The following TBC1D8 variants were observed in gnomAD, a reference collection of about 807,000 sequenced individuals.
TBC1D8 encodes TBC1 domain family member 8.
TBC1D8 carries 65 observed loss-of-function variants against 118.8 expected under a neutral mutation model. The ratio of observed to expected loss-of-function variants is 0.55; its 90% CI spans 0.45 to 0.67. TBC1D8 has a LOEUF of 0.67. Ranked by LOEUF, TBC1D8 falls within the 30% of genes least tolerant of loss-of-function variation. The pLI, the probability that TBC1D8 is intolerant of heterozygous loss-of-function variation, is 0.00. For synonymous variants in TBC1D8, 566 were observed against 595.8 expected (o/e 0.95, Z 0.73); for missense variants, 1,376 against 1,471.2 (o/e 0.94, Z 1.06).
intron 5 of TBC1D8, among the ~76,000 whole-genome samples, chr2:101,042,171 G>GAATGT (rs1681426987): frequency 1.3e-5 from 2 of 152,100 alleles, no homozygotes; most frequent in South Asian, 4.1e-4. Flanking sequence ...TGACAAGAGA[G>GAATGT]AATGTTGATG....
Position 101,073,291 on chromosome 2 carries a change from A to T in TBC1D8, c.284-13752T>A, listed in dbSNP as rs943673688. The stretch of plus-strand genomic sequence containing the variant: ...TTTATTTTTTATTTTATTTTATTTT[A>T]TTTTATTTATTTTTTTTTTTGGAGA... On this transcript the variant is annotated intron_variant, in intron 2 of 19. Coordinates refer to ENST00000409318, the MANE Select transcript of TBC1D8 (RefSeq NM_001330348.2). 5.3e-3 allele frequency among the ~76,000 whole-genome samples: 729 copies of T among 138,216 alleles called. 9 individuals carry two copies. Among genetic ancestry groups the T allele is most frequent in the African/African-American group, 0.019 (687 of 35,940 alleles). The allele number at this position is 138,216 out of a possible 152,430, so 90.7% of individuals were successfully genotyped here.
chr2:101,110,377 T>A (rs1055973816), intron 1 of TBC1D8, among the ~76,000 whole-genome samples: 3 of 152,164 alleles, frequency 2.0e-5, no homozygotes, highest in African/African-American at 7.2e-5. Flanking sequence ...AAAACCCGTT[T>A]TTAAGAAACA....
Position 101,029,657 on chromosome 2 carries a change from G to C in TBC1D8, c.2056C>G (p.Leu686Val). Residue 686 changes from leucine to valine, a missense_variant, in exon 12 of 20, where the codon CTG becomes GTG. Physicochemically the swap from Leu to Val is conservative, Grantham distance 32. Transcript: ENST00000409318. ...ASVSLSWFLT[L>V]FLSIMPLESA... ...TCTAGAGGCATGATGCTGAGGAACA[G>C]GGTCAGGAACCACGAGAGAGAGACG... The C allele has an allele frequency of 1.2e-6, 2 of 1,614,028 alleles. No individual in the cohort carries two copies. Among genetic ancestry groups the C allele is most frequent in the Non-Finnish European group, 8.5e-7 (1 of 1,179,900 alleles).
rs760958555 is a variant in TBC1D8 at position 101,037,724 on chromosome 2, G to C, written c.1276-16C>G. On this transcript the variant is annotated splice_polypyrimidine_tract_variant and intron_variant, in intron 7 of 19. Coordinates refer to ENST00000409318, the MANE Select transcript of TBC1D8 (RefSeq NM_001330348.2). Reference sequence around the variant, plus strand: ...CGAGTGAAGCCTGCACAGCAAGAGAGACAGAGACAGAGAGAGAGAGGAGAG... The same window carrying C: ...CGAGTGAAGCCTGCACAGCAAGAGACACAGAGACAGAGAGAGAGAGGAGAG... 16 of 1,610,844 alleles carry C rather than the reference G, an allele frequency of 9.9e-6. No homozygotes were observed. The highest frequency in any genetic ancestry group is 4.4e-5 in the South Asian group (4 of 91,064).
intron 1 of TBC1D8, among the ~76,000 whole-genome samples, chr2:101,141,439 A>G (rs1027958356): frequency 2.3e-4 from 35 of 152,150 alleles, no homozygotes; most frequent in African/African-American, 8.0e-4. Flanking sequence ...CTCTTCTCCT[A>G]GAAGTTGTCC....
Position 101,110,902 on chromosome 2 carries a change from C to T in TBC1D8, c.128-20538G>A, listed in dbSNP as rs1173293823. Among the ~76,000 whole-genome samples, 3 of 151,052 alleles carry T rather than the reference C, an allele frequency of 2.0e-5. No homozygotes were observed. The East Asian group carries it at 5.9e-4, about 30-fold the overall frequency. On this transcript the variant is annotated intron_variant, in intron 1 of 19. Transcript: ENST00000409318. ...GGCTGGAGAATCACTTGAACTTGAA[C>T]CCGGGAGGTGGAGGTTGCAGTGAGC...
chr2:101,080,695 C>A (rs1019497536), intron 2 of TBC1D8, among the ~76,000 whole-genome samples: 1 of 152,094 alleles, frequency 6.6e-6, no homozygotes, highest in Non-Finnish European at 1.5e-5. Context: ...AAGCATCACA[C>A]TTCCCAATAT....
intron 7 of TBC1D8, 27 bp downstream of exon 7, chr2:101,038,434 G>T: frequency 6.2e-7 from 1 of 1,603,996 alleles, no homozygotes; most frequent in Non-Finnish European, 8.5e-7. Context: ...TGAAGAAGGG[G>T]ATCATCAGGG....
At chr2:101,123,518 T>G (rs999982052) in intron 1 of TBC1D8, among the ~76,000 whole-genome samples, 23 of 152,110 alleles carry the variant, frequency 1.5e-4, no homozygotes, top group African/African-American at 5.6e-4. Context: ...CAAACCAGTG[T>G]GCACGGCTAA....
At chr2:101,029,912 A>T in intron 11 of TBC1D8, 136 bp from the exon 12 acceptor site, 2 of 854,538 alleles carry the variant, frequency 2.3e-6, no homozygotes, top group South Asian at 3.9e-5. Flanking sequence ...TGCTTAGTTC[A>T]TTGATTCTGA....
At chr2:101,042,905 C>A (rs1404672506) in intron 5 of TBC1D8, among the ~76,000 whole-genome samples, 1 of 152,084 alleles carries the variant, frequency 6.6e-6, no homozygotes, top group Non-Finnish European at 1.5e-5. Context: ...GTTGTGAGGC[C>A]CCGGAGATAA....
intron 1 of TBC1D8, among the ~76,000 whole-genome samples, chr2:101,126,371 AAC>A (rs1207080570): frequency 6.6e-6 from 1 of 152,188 alleles, no homozygotes; most frequent in Non-Finnish European, 1.5e-5. Flanking sequence ...ACCATATCCG[AAC>A]CATAGCAAAT....
rs745886072 is a variant in TBC1D8, at chr2:101,007,780, T to C, written c.*41A>G. ...CCAAGAAACAGTCTGGTTCGTGCTT[T>C]GGTATGGTGGACTCCAGTGTGCATA... On this transcript the variant is annotated 3_prime_UTR_variant, in exon 20 of 20. Coordinates refer to ENST00000409318, the MANE Select transcript of TBC1D8 (RefSeq NM_001330348.2). The C allele has an allele frequency of 1.3e-6, 2 of 1,581,510 alleles. No homozygotes were observed. Among genetic ancestry groups the C allele is most frequent in the Non-Finnish European group, 8.6e-7 (1 of 1,158,194 alleles).
Position 101,118,569 on chromosome 2 carries a change from C to T in TBC1D8, c.128-28205G>A, listed in dbSNP as rs561773472. On this transcript the variant is annotated intron_variant, in intron 1 of 19. Coordinates refer to ENST00000409318, the MANE Select transcript of TBC1D8 (RefSeq NM_001330348.2). ...AAAATTAGCCAGGCTTGGTGGCAGGCACCTGTAGTCCCAACTACTCGGGAG... is the reference window on the plus strand; with the variant it reads ...AAAATTAGCCAGGCTTGGTGGCAGGTACCTGTAGTCCCAACTACTCGGGAG... 1.2e-3 allele frequency among the ~76,000 whole-genome samples: 177 copies of T among 151,984 alleles called. No individual in the cohort carries two copies. The South Asian group carries it at 0.015, about 13-fold the overall frequency.
chr2:101,138,157 G>A (rs1264259999), intron 1 of TBC1D8, among the ~76,000 whole-genome samples: 1 of 151,996 alleles, frequency 6.6e-6, no homozygotes, highest in Non-Finnish European at 1.5e-5. Context: ...GCACCAAAGG[G>A]GAAATCCACC....
At chr2:101,144,135 G>GT (rs1679228023) in intron 1 of TBC1D8, among the ~76,000 whole-genome samples, 1 of 152,118 alleles carries the variant, frequency 6.6e-6, no homozygotes, top group Non-Finnish European at 1.5e-5. Flanking sequence ...ACTACTTGAT[G>GT]TCTACATCCA....
intron 7 of TBC1D8, 51 bp downstream of exon 7, chr2:101,038,410 C>A: frequency 6.3e-7 from 1 of 1,587,474 alleles, no homozygotes; most frequent in Non-Finnish European, 8.6e-7. Flanking sequence ...CTTTGGAGAC[C>A]ACGGCCTGAG....
At chr2:101,141,022 G>A (rs867225073) in intron 1 of TBC1D8, among the ~76,000 whole-genome samples, 1 of 151,806 alleles carries the variant, frequency 6.6e-6, no homozygotes, top group Non-Finnish European at 1.5e-5. Flanking sequence ...TCAGCCTCCC[G>A]AAGTGCTAGG....
intron 17 of TBC1D8, among the ~76,000 whole-genome samples, chr2:101,018,508 T>G (rs941746475): frequency 6.6e-6 from 1 of 152,222 alleles, no homozygotes; most frequent in African/African-American, 2.4e-5. Context: ...GAAGGAAACT[T>G]CTATTCCTTC....
Sources: allele counts gnomAD v4.1 joint callset (sites outside exome capture counted in the v4.1 genomes callset), GRCh38; gene constraint gnomAD v4.1.1; transcripts MANE v1.5; gene names NCBI Gene and HGNC (gene_info 2026-07-23, HGNC 2026-07-21).